The following HSD17B12 variants were observed in gnomAD, a reference collection of about 807,000 sequenced individuals.
The protein encoded by HSD17B12 is hydroxysteroid 17-beta dehydrogenase 12.
A neutral mutation model predicts 39.3 loss-of-function variants in HSD17B12; 32 were observed. That is an observed-to-expected ratio of 0.81 (90% CI 0.61 to 1.09). The LOEUF (loss-of-function observed/expected upper bound fraction) is 1.09. Among genes scored for constraint, HSD17B12 ranks in the 50% least tolerant of loss-of-function variants. HSD17B12 has a pLI of 0.00. For missense variants in HSD17B12, 342 were observed against 382.9 expected (o/e 0.89, Z 0.89); for synonymous variants, 150 against 146.7 (o/e 1.02, Z -0.16).
the HSD17B12 span, chr11:43,641,035 G>A: frequency 6.6e-6 from 1 of 151,388 alleles, no homozygotes; most frequent in Non-Finnish European, 1.5e-5. Flanking sequence ...TCTTCTTTAG[G>A]TAAGGAAACG....
At chr11:43,590,437 CAAAAAAAA>C in the HSD17B12 span, among the ~76,000 whole-genome samples, 2 of 66,268 alleles carry the variant, frequency 3.0e-5, no homozygotes, top group South Asian at 1.3e-3. Flanking sequence ...TTAAGTTTAG[CAAAAAAAA>C]AAAAAAAAAA....
At chr11:43,769,850 A>G (rs1950632480) in intron 3 of HSD17B12, among the ~76,000 whole-genome samples, 1 of 152,126 alleles carries the variant, frequency 6.6e-6, no homozygotes, top group African/African-American at 2.4e-5. Flanking sequence ...CAGTTTGGCT[A>G]TTTTGCTTTG....
At chr11:43,846,362 C>T (rs964414394) in intron 9 of HSD17B12, among the ~76,000 whole-genome samples, 8 of 152,192 alleles carry the variant, frequency 5.3e-5, no homozygotes, top group African/African-American at 1.9e-4. Context: ...AAATAGGAAA[C>T]AGGATCAACA....
At chr11:43,702,340 C>T (rs1949972399) in intron 1 of HSD17B12, among the ~76,000 whole-genome samples, 1 of 152,126 alleles carries the variant, frequency 6.6e-6, no homozygotes, top group African/African-American at 2.4e-5. Flanking sequence ...AATCCAACTG[C>T]TGTAGCTAGG....
chr11:43,660,815 A>G, the HSD17B12 span, among the ~76,000 whole-genome samples: 2 of 152,212 alleles, frequency 1.3e-5, no homozygotes, highest in Non-Finnish European at 2.9e-5. Flanking sequence ...AAAATGAAAT[A>G]CTACTCAGCA....
chr11:43,596,921 G>A, the HSD17B12 span, among the ~76,000 whole-genome samples: 1 of 152,330 alleles, frequency 6.6e-6, no homozygotes, highest in African/African-American at 2.4e-5. Context: ...CCTCTTCGTG[G>A]AATAACACAA....
At chr11:43,768,928 C>G (rs1225954520) in intron 3 of HSD17B12, among the ~76,000 whole-genome samples, 1 of 152,188 alleles carries the variant, frequency 6.6e-6, no homozygotes, top group Non-Finnish European at 1.5e-5. Flanking sequence ...AATCCTCTAG[C>G]TAGACACAGA....
At chr11:43,571,707 CA>C in the HSD17B12 span, among the ~76,000 whole-genome samples, 51 of 149,682 alleles carry the variant, frequency 3.4e-4, no homozygotes, top group Admixed American at 2.1e-3. Context: ...TGATGGCAAC[CA>C]AAAAAAAAGG....
At chr11:43,694,518 A>G (rs1949891968) in intron 1 of HSD17B12, among the ~76,000 whole-genome samples, 1 of 151,878 alleles carries the variant, frequency 6.6e-6, no homozygotes, top group Non-Finnish European at 1.5e-5. Context: ...CAGGGCAAAA[A>G]AAAAGAAAAA....
the HSD17B12 span, among the ~76,000 whole-genome samples, chr11:43,628,622 T>C: frequency 5.3e-5 from 8 of 152,080 alleles, no homozygotes; most frequent in African/African-American, 1.4e-4. Context: ...CATACATTCA[T>C]ATACTTCTGG....
chr11:43,571,683 C>T, the HSD17B12 span, among the ~76,000 whole-genome samples: 1 of 152,036 alleles, frequency 6.6e-6, no homozygotes, highest in African/African-American at 2.4e-5. Flanking sequence ...ACTGTTGAGA[C>T]TATTTTGAGT....
intron 1 of HSD17B12, among the ~76,000 whole-genome samples, chr11:43,713,737 C>G (rs895207989): frequency 4.6e-5 from 7 of 152,156 alleles, no homozygotes; most frequent in Non-Finnish European, 8.8e-5. Context: ...GTTTACCGTC[C>G]CACCAACAGT....
intron 1 of HSD17B12, among the ~76,000 whole-genome samples, chr11:43,682,587 T>A (rs1482339059): frequency 6.6e-6 from 1 of 151,066 alleles, no homozygotes; most frequent in East Asian, 2.0e-4. Flanking sequence ...AGTATTCAAC[T>A]TGGTTATAAT....
the HSD17B12 span, among the ~76,000 whole-genome samples, chr11:43,616,226 G>A: frequency 4.5e-4 from 69 of 151,972 alleles, no homozygotes; most frequent in Middle Eastern, 6.8e-3. Flanking sequence ...TGGGCAACAC[G>A]GTGAAACCCC....
chr11:43,617,563 C>T, the HSD17B12 span, among the ~76,000 whole-genome samples: 1 of 152,130 alleles, frequency 6.6e-6, no homozygotes, highest in East Asian at 1.9e-4. Context: ...AAGATCATTT[C>T]TCTTTGGCCA....
chr11:43,744,386 T>C (rs954227464), intron 1 of HSD17B12, among the ~76,000 whole-genome samples: 5 of 151,720 alleles, frequency 3.3e-5, no homozygotes, highest in African/African-American at 7.3e-5. Context: ...ATAGAAATGG[T>C]GGGAAGTAAG....
chr11:43,627,673 G>A, the HSD17B12 span, among the ~76,000 whole-genome samples: 1 of 151,876 alleles, frequency 6.6e-6, no homozygotes, highest in Admixed American at 6.6e-5. Flanking sequence ...TTAAGATCCT[G>A]ATAAATCTTT....
chr11:43,697,225 G>A (rs146071574), intron 1 of HSD17B12, among the ~76,000 whole-genome samples: 66 of 152,230 alleles, frequency 4.3e-4, no homozygotes, highest in African/African-American at 1.5e-3. Context: ...CTGCTGGTCT[G>A]GCAGAAGACA....
chr11:43,772,264 A>G (rs1950657438), intron 3 of HSD17B12, among the ~76,000 whole-genome samples: 1 of 152,230 alleles, frequency 6.6e-6, no homozygotes, highest in African/African-American at 2.4e-5. Flanking sequence ...AAAATAAGCC[A>G]TCATAAAATC....
Sources: allele counts gnomAD v4.1 joint callset (sites outside exome capture counted in the v4.1 genomes callset), GRCh38; gene constraint gnomAD v4.1.1; transcripts MANE v1.5; gene names NCBI Gene and HGNC (gene_info 2026-07-23, HGNC 2026-07-21).